The following TACR3 variants were observed in gnomAD, a reference collection of about 807,000 sequenced individuals.
TACR3 encodes the protein neuromedin-K receptor.
Under a neutral mutation model 35.0 loss-of-function variants are expected in TACR3, and 34 were observed. The ratio of observed to expected loss-of-function variants is 0.97; its 90% CI spans 0.74 to 1.30. The LOEUF (loss-of-function observed/expected upper bound fraction) is 1.30, where lower values mean the gene tolerates loss of function less well. TACR3 is among the 50% of genes most tolerant of loss of function. The pLI is 0.00. For missense variants in TACR3, 558 were observed against 591.7 expected (o/e 0.94, Z 0.59); for synonymous variants, 233 against 221.1 (o/e 1.05, Z -0.48).
At chr4:103,611,531 T>C (rs934375208) in intron 3 of TACR3, among the ~76,000 whole-genome samples, 8 of 152,170 alleles carry the variant, frequency 5.3e-5, no homozygotes, top group African/African-American at 1.9e-4. Context: ...TTGGAGACCT[T>C]TTATGTGCAA....
intron 3 of TACR3, among the ~76,000 whole-genome samples, chr4:103,634,576 TC>T (rs1725137789): frequency 6.6e-6 from 1 of 152,088 alleles, no homozygotes; most frequent in African/African-American, 2.4e-5. Context: ...GTTGTCATCT[TC>T]ATCAGCATAA....
intron 3 of TACR3, among the ~76,000 whole-genome samples, chr4:103,594,193 T>C (rs979405482): frequency 1.3e-5 from 2 of 151,552 alleles, no homozygotes; most frequent in African/African-American, 2.4e-5. Context: ...TTTTTTTTTT[T>C]TGAGACAGAG....
chr4:103,664,678 C>G (rs1725901750), intron 1 of TACR3, among the ~76,000 whole-genome samples: 1 of 152,192 alleles, frequency 6.6e-6, no homozygotes, highest in Non-Finnish European at 1.5e-5. Flanking sequence ...GTTTCAACTT[C>G]TGGCCTTCAG....
intron 3 of TACR3, among the ~76,000 whole-genome samples, chr4:103,620,063 C>T (rs1057348960): frequency 2.0e-5 from 3 of 151,278 alleles, no homozygotes; most frequent in Admixed American, 1.3e-4. Flanking sequence ...AAAAAAAAAA[C>T]CTTATTTTAA....
chr4:103,644,258 G>C (rs1292727171), intron 3 of TACR3, among the ~76,000 whole-genome samples: 2 of 151,744 alleles, frequency 1.3e-5, no homozygotes, highest in African/African-American at 4.8e-5. Flanking sequence ...AATTAGCAAA[G>C]AGCTATTAGT....
intron 3 of TACR3, among the ~76,000 whole-genome samples, chr4:103,599,711 G>C (rs35944628): frequency 6.6e-6 from 1 of 151,976 alleles, no homozygotes; most frequent in Non-Finnish European, 1.5e-5. Flanking sequence ...TATTGAGATA[G>C]TCATGTGCTT....
intron 1 of TACR3, among the ~76,000 whole-genome samples, chr4:103,671,362 G>A (rs1289754987): frequency 1.3e-5 from 2 of 151,912 alleles, no homozygotes; most frequent in South Asian, 4.2e-4. Flanking sequence ...GAGTAGGATT[G>A]GTGTTAGCTT....
intron 2 of TACR3, among the ~76,000 whole-genome samples, chr4:103,657,313 A>G (rs1042088135): frequency 4.6e-5 from 7 of 152,036 alleles, no homozygotes; most frequent in African/African-American, 1.7e-4. Context: ...TTTAAAGTCA[A>G]TGAGGAAATA....
intron 1 of TACR3, among the ~76,000 whole-genome samples, chr4:103,677,981 T>A (rs959337621): frequency 6.6e-6 from 1 of 152,138 alleles, no homozygotes. Context: ...AATAAAACTT[T>A]GGATATTGTC....
chr4:103,688,732 T>C (rs1205634351), intron 1 of TACR3, among the ~76,000 whole-genome samples: 3 of 150,948 alleles, frequency 2.0e-5, no homozygotes, highest in Admixed American at 1.3e-4. Context: ...TGGCGATCAT[T>C]AAAAAGTCAG....
intron 3 of TACR3, among the ~76,000 whole-genome samples, chr4:103,647,122 T>C (rs921484364): frequency 1.3e-5 from 2 of 151,894 alleles, no homozygotes; most frequent in African/African-American, 4.8e-5. Flanking sequence ...ACTGCAAGTG[T>C]ATTTTAAGTT....
chr4:103,704,762 A>T (rs1479145681), intron 1 of TACR3, among the ~76,000 whole-genome samples: 1 of 152,136 alleles, frequency 6.6e-6, no homozygotes, highest in Non-Finnish European at 1.5e-5. Flanking sequence ...GCTAAAGAAG[A>T]CTACTGATAA....
At chr4:103,638,613 T>G (rs1725256158) in intron 3 of TACR3, among the ~76,000 whole-genome samples, 1 of 151,946 alleles carries the variant, frequency 6.6e-6, no homozygotes, top group Non-Finnish European at 1.5e-5. Context: ...ACCAAAAAGC[T>G]TCTACACAGC....
At chr4:103,717,166 G>A (rs1723108285) in intron 1 of TACR3, among the ~76,000 whole-genome samples, 1 of 151,788 alleles carries the variant, frequency 6.6e-6, no homozygotes, top group Admixed American at 6.6e-5. Context: ...TTTAATAATT[G>A]TTGTATTTTG....
At chr4:103,686,371 C>T (rs781400848) in intron 1 of TACR3, among the ~76,000 whole-genome samples, 1 of 152,048 alleles carries the variant, frequency 6.6e-6, no homozygotes. Flanking sequence ...ATTGAACAAC[C>T]ACTAACTAAG....
In TACR3 at chr4:103,650,719, AAATAAATATATATTATATCATATATAAT is replaced by A. The variant is rs1725586703; in HGVS notation, c.888+5447_888+5474del. ...TATATTTATATATATAAATATATAT[AAATAAATATATATTATATCATATATAAT>A]ATATATATTATATATGATGTATATA... On this transcript the variant is annotated intron_variant, in intron 3 of 4. Transcript: ENST00000304883. Among the ~76,000 whole-genome samples the A allele has an allele frequency of 5.7e-5, 3 of 52,438 alleles. 1 individual carries two copies. The highest frequency in any genetic ancestry group is 7.7e-4 in the East Asian group (2 of 2,614). The allele number at this position is 52,438 out of a possible 152,430, so 34.4% of individuals were successfully genotyped here. A position where few individuals can be genotyped will look rare whatever the true frequency, so the allele number is the denominator to read the frequency against.
At chr4:103,593,921 T>C (rs1489850060) in intron 3 of TACR3, among the ~76,000 whole-genome samples, 1 of 152,196 alleles carries the variant, frequency 6.6e-6, no homozygotes, top group Admixed American at 6.6e-5. Flanking sequence ...TTCATTTGTA[T>C]ATTTCGGGCA....
chr4:103,712,535 A>G (rs1408335303), intron 1 of TACR3, among the ~76,000 whole-genome samples: 4 of 152,342 alleles, frequency 2.6e-5, no homozygotes, highest in Non-Finnish European at 4.4e-5. Flanking sequence ...AAGAAAACCT[A>G]GGCAATACCA....
chr4:103,658,078 T>G, intron 2 of TACR3, 137 bp downstream of exon 2: 1 of 859,080 alleles, frequency 1.2e-6, no homozygotes, highest in South Asian at 1.6e-5. Flanking sequence ...TATTACAGTA[T>G]TTTTATATAT....
Sources: allele counts gnomAD v4.1 joint callset (sites outside exome capture counted in the v4.1 genomes callset), GRCh38; gene constraint gnomAD v4.1.1; transcripts MANE v1.5; gene names NCBI Gene and HGNC (gene_info 2026-07-23, HGNC 2026-07-21).